Variants in MAPT observed in about 807,000 individuals in gnomAD.
MAPT encodes the protein microtubule associated protein tau, also known as microtubule-associated protein tau.
In MAPT, 34 loss-of-function variants were observed where a neutral mutation model predicts 67.9. The ratio of observed to expected loss-of-function variants is 0.50; its 90% CI spans 0.38 to 0.67. The LOEUF (loss-of-function observed/expected upper bound fraction) is 0.67, where lower values mean the gene tolerates loss of function less well. Ranked by LOEUF, MAPT falls within the 30% of genes least tolerant of loss-of-function variation. The probability of loss-of-function intolerance (pLI) is 0.00; values close to 1 mark genes in which losing one functional copy is unlikely to be tolerated. For synonymous variants in MAPT, 456 were observed against 464.5 expected (o/e 0.98, Z 0.23); for missense variants, 881 against 1,115.2 (o/e 0.79, Z 2.99).
At chr17:45,999,504 C>A in intron 9 of MAPT, 1 of 1,613,964 alleles carries the variant, frequency 6.2e-7, no homozygotes, top group Non-Finnish European at 8.5e-7. Context: ...CCATTTGGCC[C>A]AGTTCTTACA....
intron 1 of MAPT, among the ~76,000 whole-genome samples, chr17:45,949,453 C>T (rs2068842177): frequency 6.6e-6 from 1 of 152,204 alleles, no homozygotes; most frequent in African/African-American, 2.4e-5. Context: ...AAAGGGGTTG[C>T]TCTGTTGGGA....
In MAPT at chr17:46,025,707, G is replaced by C. The variant is rs1417497693; in HGVS notation, c.*1536G>C. 6.6e-6 allele frequency: 1 copy of C among 152,476 alleles called. No individual in the cohort carries two copies. The highest frequency in any genetic ancestry group is 1.5e-5 in the Non-Finnish European group (1 of 68,236). The allele number at this position is 152,476 out of a possible 1,614,324, so 9.4% of individuals were successfully genotyped here. A position where few individuals can be genotyped will look rare whatever the true frequency, so the allele number is the denominator to read the frequency against. ...AGAAGGCCTGGCCCCTTCCTGTGCTGAGCCCACAGCAGCAGGCTGGGTGTC... is the reference window on the plus strand; with the variant it reads ...AGAAGGCCTGGCCCCTTCCTGTGCTCAGCCCACAGCAGCAGGCTGGGTGTC... On this transcript the variant is annotated 3_prime_UTR_variant, in exon 13 of 13. Transcript: ENST00000262410.
At chr17:45,965,153 C>T (rs779252267) in intron 2 of MAPT, among the ~76,000 whole-genome samples, 1 of 152,146 alleles carries the variant, frequency 6.6e-6, no homozygotes, top group East Asian at 2.0e-4. Flanking sequence ...TGCTTTCAGC[C>T]GGGCGCGGTG....
At chr17:46,011,164 A>G (rs1260532623) in intron 10 of MAPT, among the ~76,000 whole-genome samples, 1 of 152,176 alleles carries the variant, frequency 6.6e-6, no homozygotes, top group Non-Finnish European at 1.5e-5. Flanking sequence ...TGGGAGACTA[A>G]GGCGGGAGGT....
chr17:45,970,302 A>C (rs1382927165), intron 2 of MAPT, among the ~76,000 whole-genome samples: 1 of 152,096 alleles, frequency 6.6e-6, no homozygotes, highest in Admixed American at 6.5e-5. Context: ...ATAATTATAC[A>C]TCAATTATAC....
intron 1 of MAPT, among the ~76,000 whole-genome samples, chr17:45,904,287 A>ATATAT (rs2064083329): frequency 6.4e-5 from 3 of 46,574 alleles, no homozygotes; most frequent in Non-Finnish European, 1.3e-4. Flanking sequence ...TATATATAAT[A>ATATAT]TGTATAATAT....
rs977103882 is a variant in MAPT, at chr17:45,896,886, G to C, written c.-18+2200G>C. ...CTCCTGTGATGAACCTGGTACGCACGGTTTTCTGGTTAATTCTATCGCTGA... is the reference window on the plus strand; with the variant it reads ...CTCCTGTGATGAACCTGGTACGCACCGTTTTCTGGTTAATTCTATCGCTGA... On this transcript the variant is annotated intron_variant, in intron 1 of 12. Coordinates refer to ENST00000262410, the MANE Select transcript of MAPT (RefSeq NM_001377265.1). This position sits in a 1 kb window ranked among gnomAD's most constrained non-coding sequence, Gnocchi z 5.6. 1.3e-5 allele frequency: 2 copies of C among 152,198 alleles called. No homozygotes were observed. The highest frequency in any genetic ancestry group is 2.9e-5 in the Non-Finnish European group (2 of 68,058). The allele number at this position is 152,198 out of a possible 1,614,324, so 9.4% of individuals were successfully genotyped here. A position where few individuals can be genotyped will look rare whatever the true frequency, so the allele number is the denominator to read the frequency against.
rs1271197635 is a variant in MAPT at position 45,996,695 on chromosome 17, GGGGGGCTGCGCCTGGAGGGGTA to G, written c.1998+35_1998+56del. On this transcript the variant is annotated intron_variant, in intron 9 of 12. Transcript: ENST00000262410. The surrounding 1 kb of genome is among the most constrained non-coding windows in gnomAD (Gnocchi z 4.5). ...AGTGGCTGGCTGCGCGTGGAGGTGT[GGGGGGCTGCGCCTGGAGGGGTA>G]GGGCTGTGCCTGGAAGGGTAGGGCT... 7 of 1,610,706 alleles carry G rather than the reference GGGGGGCTGCGCCTGGAGGGGTA, an allele frequency of 4.3e-6. No homozygotes were observed. In the East Asian group the frequency reaches 1.6e-4, roughly 36 times the overall value.
At chr17:45,992,531 C>T (rs1187680758) in intron 8 of MAPT, among the ~76,000 whole-genome samples, 1 of 152,116 alleles carries the variant, frequency 6.6e-6, no homozygotes. Context: ...GTGAGTAAAA[C>T]CCAGTCAATT....
chr17:45,971,964 G>T lies in MAPT; in HGVS notation c.220+19G>T. Reference sequence around the variant, plus strand: ...GCGGAAGGTGGGCCCCCCTTCAGACGCCCCCTCCATGCCTCCAGCCTGTGC... The same window carrying T: ...GCGGAAGGTGGGCCCCCCTTCAGACTCCCCCTCCATGCCTCCAGCCTGTGC... On this transcript the variant is annotated intron_variant, in intron 3 of 12. Transcript: ENST00000262410. This position sits in a 1 kb window ranked among gnomAD's most constrained non-coding sequence, Gnocchi z 4.3. 6.3e-7 allele frequency: 1 copy of T among 1,594,744 alleles called. No individual in the cohort carries two copies. The highest frequency in any genetic ancestry group is 1.1e-5 in the South Asian group (1 of 90,644).
In MAPT at chr17:46,018,745, G is replaced by T. The variant is rs2076343866; in HGVS notation, c.2286+15G>T. On this transcript the variant is annotated intron_variant, in intron 12 of 12. Transcript: ENST00000262410. ...GAAATAAAAAGGTAAAGGGGGTAGG[G>T]TGGGTTGGATGCTGCCCTTGGGTAT... 6.3e-7 allele frequency: 1 copy of T among 1,579,144 alleles called. No individual in the cohort carries two copies. The highest frequency in any genetic ancestry group is 8.7e-7 in the Non-Finnish European group (1 of 1,148,212).
chr17:46,025,550 C>T lies in MAPT; in HGVS notation c.*1379C>T, dbSNP rs2076771014. ...TCAGTTCCACTCATCCAACTGGGAC[C>T]CTCACCACGAATCTCATGATCTGAT... On this transcript the variant is annotated 3_prime_UTR_variant, in exon 13 of 13. Transcript: ENST00000262410. 6.5e-6 allele frequency: 1 copy of T among 152,746 alleles called. No homozygotes were observed. Among genetic ancestry groups the T allele is most frequent in the Admixed American group, 6.5e-5 (1 of 15,288 alleles). The allele number at this position is 152,746 out of a possible 1,614,324, so 9.5% of individuals were successfully genotyped here.
intron 7 of MAPT, among the ~76,000 whole-genome samples, chr17:45,990,690 C>T (rs2073992551): frequency 6.6e-6 from 1 of 152,190 alleles, no homozygotes; most frequent in Admixed American, 6.5e-5. Context: ...TCCAGATTGC[C>T]CTGATCTGGG....
At chr17:45,978,981 C>T (rs1445803767) in intron 4 of MAPT, 1 of 151,332 alleles carries the variant, frequency 6.6e-6, no homozygotes, top group Non-Finnish European at 1.5e-5. Context: ...CCAGCCTGGG[C>T]AACAAAAGCA....
intron 1 of MAPT, among the ~76,000 whole-genome samples, chr17:45,954,284 A>G (rs530413131): frequency 1.3e-5 from 2 of 152,294 alleles, no homozygotes; most frequent in East Asian, 3.9e-4. Context: ...AGCAGTTACA[A>G]CAGAGACCAC....
intron 4 of MAPT, among the ~76,000 whole-genome samples, chr17:45,982,151 G>A (rs1331970748): frequency 1.3e-5 from 2 of 151,752 alleles, no homozygotes; most frequent in East Asian, 1.9e-4. Context: ...GTGAAACCCC[G>A]TTTCTACTAA....
At chr17:45,941,717 T>TCCTG (rs1195804704) in intron 1 of MAPT, among the ~76,000 whole-genome samples, 47,907 of 87,746 alleles carry the variant, frequency 0.55, 15,088 homozygotes, top group Non-Finnish European at 0.67. Context: ...CTTCCTTCCT[T>TCCTG]CCTTCCTTCC....
intron 1 of MAPT, among the ~76,000 whole-genome samples, chr17:45,928,788 C>T (rs1448845035): frequency 4.6e-5 from 7 of 152,240 alleles, no homozygotes; most frequent in East Asian, 3.9e-4. Context: ...CTCCGCCTCT[C>T]GGGTTCACAC....
intron 1 of MAPT, among the ~76,000 whole-genome samples, chr17:45,937,161 C>G (rs978835500): frequency 3.9e-5 from 6 of 152,208 alleles, no homozygotes; most frequent in African/African-American, 1.4e-4. Flanking sequence ...TTTGTACCCC[C>G]ACTGTTGCAC....
Sources: gnomAD v4.1 joint callset for allele counts (sites outside exome capture counted in the v4.1 genomes callset) on GRCh38, gnomAD v4.1.1 for gene constraint, Gnocchi (gnomAD v3.1) non-coding constraint, MANE v1.5 for transcripts, NCBI Gene and HGNC (gene_info 2026-07-23, HGNC 2026-07-21) for gene names.